THEMIS: variants seen among roughly 807,000 people sequenced by gnomAD.
The protein encoded by THEMIS is thymocyte selection associated, also known as protein THEMIS.
Under a neutral mutation model 52.6 loss-of-function variants are expected in THEMIS, and 37 were observed. The ratio of observed to expected loss-of-function variants is 0.70; its 90% confidence interval spans 0.54 to 0.93. The LOEUF (loss-of-function observed/expected upper bound fraction) is 0.93. Ranked by LOEUF, THEMIS falls within the 40% of genes least tolerant of loss-of-function variation. THEMIS has a pLI of 0.00. For synonymous variants in THEMIS, 292 were observed against 272.7 expected (o/e 1.07, Z -0.70); for missense variants, 808 against 763.1 (o/e 1.06, Z -0.69).
intron 4 of THEMIS, among the ~76,000 whole-genome samples, chr6:127,794,772 C>T (rs1237559116): frequency 6.6e-6 from 1 of 152,110 alleles, no homozygotes; most frequent in Non-Finnish European, 1.5e-5. Context: ...TATTCTACAC[C>T]CCTTAAACTC....
intron 1 of THEMIS, among the ~76,000 whole-genome samples, chr6:127,889,177 G>A (rs920083510): frequency 1.3e-5 from 2 of 151,986 alleles, no homozygotes; most frequent in East Asian, 1.9e-4. Context: ...GTTTAATTAT[G>A]AACTGGTTCT....
intron 4 of THEMIS, among the ~76,000 whole-genome samples, chr6:127,761,220 T>C (rs1365058725): frequency 6.6e-6 from 1 of 151,926 alleles, no homozygotes; most frequent in Non-Finnish European, 1.5e-5. Flanking sequence ...TTGGCAAGGA[T>C]GTGAAGAAAA....
chr6:127,734,125 C>G (rs1167412185), intron 4 of THEMIS, among the ~76,000 whole-genome samples: 1 of 151,884 alleles, frequency 6.6e-6, no homozygotes, highest in Non-Finnish European at 1.5e-5. Context: ...TAGGAGGAAA[C>G]CTATAGATTA....
chr6:127,840,666 C>A (rs143706212), intron 2 of THEMIS, among the ~76,000 whole-genome samples: 1,652 of 152,168 alleles, frequency 0.011, 37 homozygotes, highest in African/African-American at 0.039. Flanking sequence ...TTTATAGCAG[C>A]CTTATTCGTA....
chr6:127,841,931 A>C (rs1193486452), intron 2 of THEMIS, among the ~76,000 whole-genome samples: 2 of 151,972 alleles, frequency 1.3e-5, no homozygotes, highest in East Asian at 1.9e-4. Flanking sequence ...GACCCAGAAA[A>C]TTTGGAAAAA....
chr6:127,742,611 A>T (rs184569353), intron 4 of THEMIS, among the ~76,000 whole-genome samples: 1 of 152,274 alleles, frequency 6.6e-6, no homozygotes, highest in African/African-American at 2.4e-5. Context: ...ATTCTAACAC[A>T]TGCTACAACA....
intron 2 of THEMIS, among the ~76,000 whole-genome samples, chr6:127,849,275 A>C (rs1421389890): frequency 1.3e-5 from 2 of 151,966 alleles, no homozygotes; most frequent in Non-Finnish European, 2.9e-5. Context: ...GTTCCGTTCC[A>C]TTGGTCTATA....
At chr6:127,815,004 GA>G (rs1240949375) in intron 3 of THEMIS, among the ~76,000 whole-genome samples, 1 of 151,976 alleles carries the variant, frequency 6.6e-6, no homozygotes, top group Non-Finnish European at 1.5e-5. Context: ...ACAAAAATTA[GA>G]AAAAATTAGC....
At chr6:127,910,830 A>G (rs1278624590) in intron 1 of THEMIS, among the ~76,000 whole-genome samples, 1 of 152,098 alleles carries the variant, frequency 6.6e-6, no homozygotes, top group East Asian at 1.9e-4. Context: ...ATTTTATTAG[A>G]TTTTGCTAAC....
At chr6:127,898,560 A>G (rs962575405) in intron 1 of THEMIS, among the ~76,000 whole-genome samples, 1 of 151,762 alleles carries the variant, frequency 6.6e-6, no homozygotes, top group Non-Finnish European at 1.5e-5. Context: ...GTGTATCAGT[A>G]CAGTCACTAT....
At chr6:127,816,665 TGC>T (rs1418313901) in intron 3 of THEMIS, among the ~76,000 whole-genome samples, 1 of 152,220 alleles carries the variant, frequency 6.6e-6, no homozygotes, top group Non-Finnish European at 1.5e-5. Context: ...CCGGTATCCT[TGC>T]AGTCAAGTCT....
intron 4 of THEMIS, among the ~76,000 whole-genome samples, chr6:127,775,440 G>T (rs1776533920): frequency 6.6e-6 from 1 of 152,116 alleles, no homozygotes; most frequent in Admixed American, 6.5e-5. Flanking sequence ...AAAGAGTCTT[G>T]TCCTTAAAAT....
At chr6:127,869,910 C>A (rs1780104295) in intron 1 of THEMIS, among the ~76,000 whole-genome samples, 1 of 152,166 alleles carries the variant, frequency 6.6e-6, no homozygotes, top group Non-Finnish European at 1.5e-5. Context: ...CTATGCCCAC[C>A]CACACCAATA....
At chr6:127,703,984 A>G (rs1415956797), downstream of THEMIS, among the ~76,000 whole-genome samples, 1 of 152,178 alleles carries the variant, frequency 6.6e-6, no homozygotes, top group Non-Finnish European at 1.5e-5. Context: ...GCATCCTTAC[A>G]TGGCAGGAGG....
chr6:127,752,972 G>A (rs1419750212), intron 4 of THEMIS, among the ~76,000 whole-genome samples: 3 of 151,760 alleles, frequency 2.0e-5, no homozygotes, highest in Non-Finnish European at 4.4e-5. Flanking sequence ...CATTCACTAT[G>A]AGCAAGATTT....
intron 4 of THEMIS, among the ~76,000 whole-genome samples, chr6:127,748,345 G>A (rs1562232652): frequency 1.3e-5 from 2 of 152,032 alleles, no homozygotes; most frequent in Non-Finnish European, 2.9e-5. Flanking sequence ...GCAAAACATG[G>A]AGAAGAAGTG....
intron 1 of THEMIS, among the ~76,000 whole-genome samples, chr6:127,856,928 CT>C (rs1278827894): frequency 6.6e-6 from 1 of 151,910 alleles, no homozygotes; most frequent in African/African-American, 2.4e-5. Context: ...TTAGTATTAT[CT>C]CACCCTATAC....
At chr6:127,781,340 C>T (rs1401911710) in intron 4 of THEMIS, among the ~76,000 whole-genome samples, 3 of 151,904 alleles carry the variant, frequency 2.0e-5, no homozygotes. Context: ...TTAAAACATG[C>T]TCCTTTAGCT....
intron 2 of THEMIS, among the ~76,000 whole-genome samples, chr6:127,852,004 C>T (rs1338422503): frequency 6.6e-6 from 1 of 151,528 alleles, no homozygotes; most frequent in Non-Finnish European, 1.5e-5. Context: ...ATCATGTCAT[C>T]ATACGTCGGG....
Sources: gnomAD v4.1 joint callset for allele counts (sites outside exome capture counted in the v4.1 genomes callset) on GRCh38, gnomAD v4.1.1 for gene constraint, MANE v1.5 for transcripts, NCBI Gene and HGNC (gene_info 2026-07-23, HGNC 2026-07-21) for gene names.